TDRD9: variants seen among roughly 807,000 people sequenced by gnomAD.
TDRD9 encodes ATP-dependent RNA helicase TDRD9.
TDRD9 carries 124 observed loss-of-function variants against 172.6 expected under a neutral mutation model. The observed-to-expected ratio is 0.72, with a 90% confidence interval of 0.62 to 0.83. TDRD9 has a LOEUF of 0.83. Ranked by LOEUF, TDRD9 falls within the 40% of genes least tolerant of loss-of-function variation. TDRD9 has a pLI of 0.00. For missense variants in TDRD9, 1,479 were observed against 1,714.1 expected (o/e 0.86, Z 2.42); for synonymous variants, 619 against 617.1 (o/e 1.00, Z -0.05).
At chr14:104,010,754 G>A (rs1057476047) in intron 20 of TDRD9, among the ~76,000 whole-genome samples, 18 of 152,128 alleles carry the variant, frequency 1.2e-4, no homozygotes, top group African/African-American at 4.3e-4. Flanking sequence ...CAGGACCCCT[G>A]TATACCAAAA....
At chr14:103,991,069 C>A in intron 8 of TDRD9, 91 bp from the exon 9 acceptor site, 1 of 1,472,706 alleles carries the variant, frequency 6.8e-7, no homozygotes, top group Non-Finnish European at 9.4e-7. Flanking sequence ...AAGAGCCTTT[C>A]AGGATTAAAA....
chr14:103,943,325 AT>A (rs1005625199), intron 1 of TDRD9, among the ~76,000 whole-genome samples: 1 of 151,832 alleles, frequency 6.6e-6, no homozygotes, highest in Middle Eastern at 3.2e-3. Context: ...GTTTAAAAAA[AT>A]ATATACACAC....
intron 7 of TDRD9, among the ~76,000 whole-genome samples, chr14:103,978,560 C>G (rs560098169): frequency 4.6e-5 from 7 of 152,282 alleles, no homozygotes; most frequent in African/African-American, 1.7e-4. Context: ...GCGATGTTTC[C>G]TTAGGCTCCT....
chr14:103,981,780 A>T (rs1470062186), intron 7 of TDRD9, among the ~76,000 whole-genome samples: 1 of 152,248 alleles, frequency 6.6e-6, no homozygotes, highest in African/African-American at 2.4e-5. Context: ...CTTATTGAAT[A>T]CTGCACTAAA....
At chr14:104,027,626 T>C (rs772899828) in intron 28 of TDRD9, among the ~76,000 whole-genome samples, 2 of 152,210 alleles carry the variant, frequency 1.3e-5, no homozygotes, top group African/African-American at 2.4e-5. Context: ...TATTTTGATA[T>C]GTGTATATAA....
In TDRD9 at chr14:103,992,924, CA is replaced by C. The variant is rs35212615; in HGVS notation, c.1181-1387del. Among the ~76,000 whole-genome samples, 557 of 58,836 alleles carry C rather than the reference CA, an allele frequency of 9.5e-3. 6 individuals are homozygous for C. The highest frequency in any genetic ancestry group is 0.031 in the African/African-American group (461 of 15,088). 38.6% of individuals were successfully genotyped at this position (58,836 alleles called of 152,430 possible). A position where few individuals can be genotyped will look rare whatever the true frequency, so the allele number is the denominator to read the frequency against. On this transcript the variant is annotated intron_variant, in intron 9 of 35. Coordinates refer to ENST00000409874, the MANE Select transcript of TDRD9 (RefSeq NM_153046.3). ...TGGGAGAAAGAGCGAGACTCCATCT[CA>C]AAAAAAAAAAAAAAAAAAAAGAATA...
chr14:103,944,448 A>G (rs2031450555), intron 1 of TDRD9, among the ~76,000 whole-genome samples: 1 of 152,232 alleles, frequency 6.6e-6, no homozygotes, highest in South Asian at 2.1e-4. Context: ...CCTGAGGGTC[A>G]ATGTGAACAT....
At chr14:103,954,934 AT>A (rs201254196) in intron 1 of TDRD9, among the ~76,000 whole-genome samples, 3,484 of 130,510 alleles carry the variant, frequency 0.027, 78 homozygotes, top group East Asian at 0.079. Context: ...TAGGCTGTTT[AT>A]TTTTTTTTTG....
At chr14:103,986,161 G>C in intron 7 of TDRD9, 56 bp from the exon 8 acceptor site, 1 of 1,325,876 alleles carries the variant, frequency 7.5e-7, no homozygotes, top group Non-Finnish European at 1.1e-6. Flanking sequence ...TCCAACGCCA[G>C]GTTTCTTCTG....
intron 1 of TDRD9, among the ~76,000 whole-genome samples, chr14:103,938,196 G>T (rs561434882): frequency 6.6e-6 from 1 of 151,986 alleles, no homozygotes; most frequent in South Asian, 2.1e-4. Flanking sequence ...AATGGATTGG[G>T]CTGGCTAGTA....
intron 7 of TDRD9, among the ~76,000 whole-genome samples, chr14:103,977,264 G>A (rs2033281758): frequency 2.0e-5 from 3 of 151,932 alleles, no homozygotes; most frequent in Admixed American, 1.3e-4. Context: ...GGCCGAGGCC[G>A]GTGGATCACC....
chr14:103,943,251 C>T (rs1045021381), intron 1 of TDRD9, among the ~76,000 whole-genome samples: 2 of 151,638 alleles, frequency 1.3e-5, no homozygotes, highest in Non-Finnish European at 2.9e-5. Flanking sequence ...CCACCTCAGC[C>T]CCCTGAATAG....
At chr14:103,952,182 G>A (rs1273122942) in intron 1 of TDRD9, among the ~76,000 whole-genome samples, 36 of 26,136 alleles carry the variant, frequency 1.4e-3, no homozygotes, top group African/African-American at 3.1e-3. Context: ...ATGTGTGTGC[G>A]TGTGTGTGTA....
At chr14:104,024,241 C>A (rs1399747919) in intron 24 of TDRD9, among the ~76,000 whole-genome samples, 1 of 152,088 alleles carries the variant, frequency 6.6e-6, no homozygotes, top group African/African-American at 2.4e-5. Flanking sequence ...AAATCTCAGA[C>A]CTTGAAAGTC....
At chr14:103,931,252 T>C (rs1036734836) in intron 1 of TDRD9, among the ~76,000 whole-genome samples, 6 of 151,588 alleles carry the variant, frequency 4.0e-5, no homozygotes, top group African/African-American at 1.2e-4. Context: ...TAAGCTGAGA[T>C]TGTGCCACTG....
rs577882256 is a variant in TDRD9 at position 104,052,575 on chromosome 14, G to A, written c.*493G>A. On this transcript the variant is annotated 3_prime_UTR_variant, in exon 36 of 36. Coordinates refer to ENST00000409874, the MANE Select transcript of TDRD9 (RefSeq NM_153046.3). ...TCTAATTTTTATAAGACTAAGTTGA[G>A]TTATACTTCTTGGTTCACATTTTGG... 4 of 152,734 alleles carry A rather than the reference G, an allele frequency of 2.6e-5. No individual in the cohort carries two copies. Among genetic ancestry groups the A allele is most frequent in the African/African-American group, 7.2e-5 (3 of 41,540 alleles). 9.5% of individuals were successfully genotyped at this position (152,734 alleles called of 1,614,324 possible).
chr14:104,018,775 A>G (rs930389445), intron 23 of TDRD9, among the ~76,000 whole-genome samples: 1 of 152,122 alleles, frequency 6.6e-6, no homozygotes, highest in Non-Finnish European at 1.5e-5. Context: ...AAAGTTAGAA[A>G]TTTTTTCCAG....
chr14:104,039,357 T>C (rs1271662470), intron 32 of TDRD9, among the ~76,000 whole-genome samples: 6 of 152,166 alleles, frequency 3.9e-5, no homozygotes, highest in Admixed American at 1.3e-4. Flanking sequence ...TGTCACCTTT[T>C]GTAATCTAGC....
Position 104,006,816 on chromosome 14 carries a change from G to T in TDRD9, c.1978G>T (p.Asp660Tyr). 1 of 1,613,362 alleles carries T rather than the reference G, an allele frequency of 6.2e-7. No individual in the cohort carries two copies. Among genetic ancestry groups the T allele is most frequent in the South Asian group, 1.1e-5 (1 of 90,894 alleles). ...GAATTTCTCTGGCAGTAGCAAGAGTGACTGTATTGCACTTGTTGAGGCATT... is the reference window on the plus strand; with the variant it reads ...GAATTTCTCTGGCAGTAGCAAGAGTTACTGTATTGCACTTGTTGAGGCATT... ...KVNFSGSSKS[D>Y]CIALVEAFKT... Residue 660 changes from aspartate (D) to tyrosine (Y), a missense_variant, in exon 18 of 36, where the codon GAC becomes TAC. Asp to Tyr is a radical substitution (Grantham distance 160). Coordinates refer to ENST00000409874, the MANE Select transcript of TDRD9 (RefSeq NM_153046.3).
Sources: gnomAD v4.1 joint callset for allele counts (sites outside exome capture counted in the v4.1 genomes callset) on GRCh38, gnomAD v4.1.1 for gene constraint, MANE v1.5 for transcripts, NCBI Gene and HGNC (gene_info 2026-07-23, HGNC 2026-07-21) for gene names.